SPAG16: variants seen among roughly 807,000 people sequenced by gnomAD.
The protein encoded by SPAG16 is sperm associated antigen 16, also known as sperm-associated antigen 16 protein.
In SPAG16, 86 loss-of-function variants were observed where a neutral mutation model predicts 80.4. The observed-to-expected ratio is 1.07, with a 90% CI of 0.90 to 1.28. The LOEUF (loss-of-function observed/expected upper bound fraction) is 1.28, where lower values mean the gene tolerates loss of function less well. Ranked by LOEUF, SPAG16 falls within the 50% of genes most tolerant of loss-of-function variation. SPAG16 has a pLI of 0.00. For missense variants in SPAG16, 870 were observed against 765.3 expected (o/e 1.14, Z -1.61); for synonymous variants, 294 against 265.9 (o/e 1.11, Z -1.03).
At chr2:214,271,059 T>C (rs951986090) in intron 15 of SPAG16, among the ~76,000 whole-genome samples, 4 of 152,354 alleles carry the variant, frequency 2.6e-5, no homozygotes, top group African/African-American at 9.6e-5. Flanking sequence ...ACTGTGACTT[T>C]TGAGATCTTA....
intron 10 of SPAG16, among the ~76,000 whole-genome samples, chr2:213,573,949 T>G (rs1280511801): frequency 6.6e-6 from 1 of 152,164 alleles, no homozygotes; most frequent in African/African-American, 2.4e-5. Flanking sequence ...AAAAATCAGA[T>G]TCAGATTTAG....
chr2:214,331,858 C>A (rs1696939508), intron 15 of SPAG16, among the ~76,000 whole-genome samples: 1 of 152,196 alleles, frequency 6.6e-6, no homozygotes, highest in Non-Finnish European at 1.5e-5. Context: ...ATGGAGCTGG[C>A]TAAAGCTTTG....
intron 5 of SPAG16, among the ~76,000 whole-genome samples, chr2:213,339,149 C>G (rs2064544186): frequency 6.6e-6 from 1 of 152,180 alleles, no homozygotes; most frequent in Non-Finnish European, 1.5e-5. Context: ...CATTGAGAGC[C>G]TTACTTTATC....
chr2:213,337,429 C>T (rs1037216331), intron 5 of SPAG16, among the ~76,000 whole-genome samples: 1 of 152,100 alleles, frequency 6.6e-6, no homozygotes, highest in African/African-American at 2.4e-5. Flanking sequence ...CTTCACTGAG[C>T]TAAAGAATTA....
chr2:213,374,102 A>G lies in SPAG16; in HGVS notation c.833-908A>G, dbSNP rs1308907106. Among the ~76,000 whole-genome samples the G allele has an allele frequency of 2.6e-5, 4 of 152,106 alleles. No homozygotes were observed. The South Asian group carries it at 6.2e-4, about 24-fold the overall frequency. Reference sequence around the variant, plus strand: ...TTCATGTAACGTGGGGTTATGGAACATTTTTTAACGTTATTGTGGGAGTTA... The same window carrying G: ...TTCATGTAACGTGGGGTTATGGAACGTTTTTTAACGTTATTGTGGGAGTTA... On this transcript the variant is annotated intron_variant, in intron 8 of 15. Transcript: ENST00000331683.
At chr2:214,152,194 C>G (rs2056008074) in intron 15 of SPAG16, among the ~76,000 whole-genome samples, 3 of 152,028 alleles carry the variant, frequency 2.0e-5, no homozygotes. Flanking sequence ...TTATTAACCT[C>G]ATAAGTAAAT....
chr2:214,177,081 A>G (rs2057115211), intron 15 of SPAG16, among the ~76,000 whole-genome samples: 2 of 151,236 alleles, frequency 1.3e-5, no homozygotes, highest in Admixed American at 6.6e-5. Context: ...TGTTTGGAAT[A>G]AATCTCTTAA....
At chr2:214,064,121 TTTA>T (rs2050417225) in intron 13 of SPAG16, among the ~76,000 whole-genome samples, 1 of 152,150 alleles carries the variant, frequency 6.6e-6, no homozygotes, top group Non-Finnish European at 1.5e-5. Context: ...CATATATCCT[TTTA>T]TTATTTCAAA....
At chr2:214,195,494 T>A (rs2057806880) in intron 15 of SPAG16, among the ~76,000 whole-genome samples, 1 of 151,970 alleles carries the variant, frequency 6.6e-6, no homozygotes, top group African/African-American at 2.4e-5. Context: ...AAGTGCAAGA[T>A]TGAACTAGAA....
intron 5 of SPAG16, among the ~76,000 whole-genome samples, chr2:213,332,019 TAA>T (rs979349143): frequency 6.6e-6 from 1 of 151,720 alleles, no homozygotes; most frequent in African/African-American, 2.4e-5. Context: ...AAGATTAGTA[TAA>T]AAAATAAATA....
chr2:214,361,565 G>T lies in SPAG16; in HGVS notation c.1721-48575G>T, dbSNP rs1699185492. On this transcript the variant is annotated intron_variant, in intron 15 of 15. Coordinates refer to ENST00000331683, the MANE Select transcript of SPAG16 (RefSeq NM_024532.5). ...AGAGAAACTCAAACACTTCATCCAG[G>T]TTGTTTTGTTTAAGCATATAACCAA... Among the ~76,000 whole-genome samples the T allele has an allele frequency of 1.3e-5, 2 of 151,794 alleles. 1 individual carries two copies. Among genetic ancestry groups the T allele is most frequent in the Non-Finnish European group, 2.9e-5 (2 of 67,824 alleles).
chr2:214,403,871 G>T (rs1317417867), intron 15 of SPAG16, among the ~76,000 whole-genome samples: 1 of 152,114 alleles, frequency 6.6e-6, no homozygotes, highest in African/African-American at 2.4e-5. Context: ...TCACATGAAT[G>T]GTATGAATGA....
chr2:213,427,882 A>G (rs1202654372), intron 9 of SPAG16, among the ~76,000 whole-genome samples: 1 of 151,462 alleles, frequency 6.6e-6, no homozygotes, highest in Non-Finnish European at 1.5e-5. Flanking sequence ...TGTAGATTTA[A>G]TTTTCTTTGA....
At chr2:213,958,145 A>G (rs1398376550) in intron 12 of SPAG16, among the ~76,000 whole-genome samples, 1 of 152,202 alleles carries the variant, frequency 6.6e-6, no homozygotes, top group Non-Finnish European at 1.5e-5. Context: ...CTGTGAGCCA[A>G]AGCCCTTATT....
intron 15 of SPAG16, among the ~76,000 whole-genome samples, chr2:214,379,759 G>A (rs984649917): frequency 3.3e-5 from 5 of 152,206 alleles, no homozygotes; most frequent in Non-Finnish European, 7.3e-5. Context: ...TTGATCATCA[G>A]AATTGATTAG....
chr2:213,300,934 ATTATG>A (rs1160875903), intron 3 of SPAG16, among the ~76,000 whole-genome samples: 3 of 152,106 alleles, frequency 2.0e-5, no homozygotes, highest in Admixed American at 6.6e-5. Flanking sequence ...TTCTCTTGCT[ATTATG>A]TTAATATACC....
intron 15 of SPAG16, among the ~76,000 whole-genome samples, chr2:214,186,297 G>C (rs189242801): frequency 6.6e-6 from 1 of 152,192 alleles, no homozygotes. Context: ...CACCTCTGAA[G>C]TTAAAATGCA....
intron 15 of SPAG16, among the ~76,000 whole-genome samples, chr2:214,300,587 A>C (rs1694475491): frequency 6.6e-6 from 1 of 152,162 alleles, no homozygotes; most frequent in South Asian, 2.1e-4. Context: ...CAAAAGTCTT[A>C]GATTAGTCAC....
At chr2:214,095,711 A>G (rs549588625) in intron 13 of SPAG16, among the ~76,000 whole-genome samples, 13 of 152,240 alleles carry the variant, frequency 8.5e-5, no homozygotes, top group African/African-American at 3.1e-4. Context: ...ATCATATAAA[A>G]TATAGATCCT....
Sources: allele counts gnomAD v4.1 joint callset (sites outside exome capture counted in the v4.1 genomes callset), GRCh38; gene constraint gnomAD v4.1.1; transcripts MANE v1.5; gene names NCBI Gene and HGNC (gene_info 2026-07-23, HGNC 2026-07-21).